The following LZTFL1 variants were observed in gnomAD, a reference collection of about 807,000 sequenced individuals.
LZTFL1 encodes leucine zipper transcription factor like 1, also known as leucine zipper transcription factor-like protein 1.
Under a neutral mutation model 45.9 loss-of-function variants are expected in LZTFL1, and 25 were observed. The observed-to-expected ratio is 0.54, with a 90% CI of 0.40 to 0.76. The LOEUF (loss-of-function observed/expected upper bound fraction) is 0.76, where lower values mean the gene tolerates loss of function less well. Among genes scored for constraint, LZTFL1 ranks in the 30% least tolerant of loss-of-function variants. The pLI is 0.00. For synonymous variants in LZTFL1, 93 were observed against 117.4 expected (o/e 0.79, Z 1.35); for missense variants, 277 against 331.1 (o/e 0.84, Z 1.27).
intron 2 of LZTFL1, among the ~76,000 whole-genome samples, chr3:45,880,206 T>C (rs537353916): frequency 1.3e-5 from 2 of 152,250 alleles, no homozygotes; most frequent in African/African-American, 4.8e-5. Context: ...CAGTGATCTG[T>C]TAAAAATGGA....
chr3:45,897,191 A>G (rs1380019494), intron 2 of LZTFL1, among the ~76,000 whole-genome samples: 1 of 152,196 alleles, frequency 6.6e-6, no homozygotes, highest in African/African-American at 2.4e-5. Flanking sequence ...TTTGATGTCT[A>G]AGATCCATCA....
chr3:45,901,649 C>T lies in LZTFL1; in HGVS notation c.-215+11471G>A, dbSNP rs201668821. 7 of 1,614,114 alleles carry T rather than the reference C, an allele frequency of 4.3e-6. No homozygotes were observed. The South Asian group carries it at 7.7e-5, about 18-fold the overall frequency. On this transcript the variant is annotated intron_variant, in intron 2 of 4. Coordinates refer to the LZTFL1 transcript ENST00000472635. This position sits in a 1 kb window ranked among gnomAD's most constrained non-coding sequence, Gnocchi z 4.3. ...TTGACGCCTATGCCATGTTCATCTCCAACTGTGCCGTTTCCACCAACATTG... is the reference window on the plus strand; with the variant it reads ...TTGACGCCTATGCCATGTTCATCTCTAACTGTGCCGTTTCCACCAACATTG...
chr3:45,898,473 G>A (rs1213092274), intron 2 of LZTFL1, among the ~76,000 whole-genome samples: 2 of 152,218 alleles, frequency 1.3e-5, no homozygotes, highest in East Asian at 3.8e-4. Flanking sequence ...ATAGGGAGAC[G>A]AGTTTTCTTT....
chr3:45,892,264 T>C (rs550199708), intron 2 of LZTFL1, among the ~76,000 whole-genome samples: 7 of 152,360 alleles, frequency 4.6e-5, no homozygotes, highest in African/African-American at 1.4e-4. Flanking sequence ...TGAACATGTA[T>C]GTTCATTCCA....
chr3:45,840,623 A>G (rs1701083252), intron 1 of LZTFL1, among the ~76,000 whole-genome samples: 1 of 152,268 alleles, frequency 6.6e-6, no homozygotes, highest in South Asian at 2.1e-4. Context: ...TTCCGTTAAA[A>G]TAATAATAAA....
In LZTFL1 at chr3:45,824,648, C is replaced by A; in HGVS notation, c.*1666G>T. The A allele has an allele frequency of 2.5e-6, 1 of 395,270 alleles. No homozygotes were observed. Among genetic ancestry groups the A allele is most frequent in the Admixed American group, 4.4e-5 (1 of 22,674 alleles). 24.5% of individuals were successfully genotyped at this position (395,270 alleles called of 1,614,324 possible). A position where few individuals can be genotyped will look rare whatever the true frequency, so the allele number is the denominator to read the frequency against. The stretch of plus-strand genomic sequence containing the variant: ...ACATACCTTTTTTCCTCACTGGTTT[C>A]AAACTGACAAAGGTGTAGGGAGAAA... On this transcript the variant is annotated 3_prime_UTR_variant, in exon 10 of 10. Transcript: ENST00000296135.
rs1700629504 is a variant in LZTFL1, at chr3:45,825,010, A to C, written c.*1304T>G. 1 of 397,608 alleles carries C rather than the reference A, an allele frequency of 2.5e-6. No homozygotes were observed. The highest frequency in any genetic ancestry group is 4.4e-6 in the Non-Finnish European group (1 of 225,426). 24.6% of individuals were successfully genotyped at this position (397,608 alleles called of 1,614,324 possible). The stretch of plus-strand genomic sequence containing the variant: ...TTGCAGGGAAATTATCTTACCCTTT[A>C]ACATTTGTTCCTTCACTATTTTAAC... On this transcript the variant is annotated 3_prime_UTR_variant, in exon 10 of 10. Transcript: ENST00000296135.
At chr3:45,829,608 GAAAAAAA>G (rs1206418827) in intron 7 of LZTFL1, among the ~76,000 whole-genome samples, 3 of 58,932 alleles carry the variant, frequency 5.1e-5, no homozygotes, top group Admixed American at 2.4e-4. Context: ...TGTCTCAAAA[GAAAAAAA>G]AAAAAAAAAA....
intron 7 of LZTFL1, among the ~76,000 whole-genome samples, chr3:45,829,608 GAAAAAAAAAAAAA>G (rs1206418827): frequency 1.4e-4 from 8 of 58,930 alleles, no homozygotes; most frequent in Non-Finnish European, 1.6e-4. Flanking sequence ...TGTCTCAAAA[GAAAAAAAAAAAAA>G]AAAAAAAAAA....
chr3:45,858,710 T>G (rs186419945), intron 3 of LZTFL1, among the ~76,000 whole-genome samples: 1 of 152,300 alleles, frequency 6.6e-6, no homozygotes, highest in African/African-American at 2.4e-5. Flanking sequence ...GATAGAGAAT[T>G]TTGTTAAATC....
intron 2 of LZTFL1, among the ~76,000 whole-genome samples, chr3:45,891,471 T>A (rs1005004059): frequency 6.6e-6 from 1 of 152,212 alleles, no homozygotes; most frequent in Non-Finnish European, 1.5e-5. Context: ...ATTTTTTGCA[T>A]TTTTTGCTTA....
At chr3:45,851,997 A>G (rs1158663042) in intron 4 of LZTFL1, among the ~76,000 whole-genome samples, 3 of 152,140 alleles carry the variant, frequency 2.0e-5, no homozygotes, top group South Asian at 2.1e-4. Context: ...CCAAGTGGCT[A>G]TCTCCTAAAG....
chr3:45,904,420 A>G lies in LZTFL1; in HGVS notation c.-215+8700T>C, dbSNP rs143832561. On this transcript the variant is annotated intron_variant, in intron 2 of 4. Transcript: ENST00000472635. ...CTGACTAGACCAGGACTGGACGCCA[A>G]TGCTTTTCCCAGCTTTGGTGTCCAA... Among the ~76,000 whole-genome samples, 471 of 152,326 alleles carry G rather than the reference A, an allele frequency of 3.1e-3. 1 individual carries two copies. The highest frequency in any genetic ancestry group is 0.011 in the African/African-American group (439 of 41,568).
chr3:45,890,339 T>TATATATATTTATATAAATATATATATAAC (rs1702132953), intron 2 of LZTFL1, among the ~76,000 whole-genome samples: 1 of 77,536 alleles, frequency 1.3e-5, no homozygotes, highest in Non-Finnish European at 2.0e-5. Flanking sequence ...ATATATAACA[T>TATATATATTTATATAAATATATATATAAC]ATATATATAA....
chr3:45,843,401 T>C (rs1322837071), upstream of LZTFL1, among the ~76,000 whole-genome samples: 4 of 152,294 alleles, frequency 2.6e-5, no homozygotes, highest in Non-Finnish European at 4.4e-5. Flanking sequence ...GTTCACATAG[T>C]GAGAGGGTCA....
intron 1 of LZTFL1, among the ~76,000 whole-genome samples, chr3:45,839,707 G>A (rs1269674412): frequency 6.6e-6 from 1 of 152,142 alleles, no homozygotes; most frequent in African/African-American, 2.4e-5. Flanking sequence ...GATTTCCATG[G>A]CATAAATACT....
chr3:45,838,904 C>T (rs1701033719), intron 1 of LZTFL1, among the ~76,000 whole-genome samples: 1 of 152,186 alleles, frequency 6.6e-6, no homozygotes, highest in African/African-American at 2.4e-5. Flanking sequence ...CAACAGGTTA[C>T]AGTCATATAT....
chr3:45,831,070 T>TA lies in LZTFL1; in HGVS notation c.522+2dup, dbSNP rs1200136326. On this transcript the variant is annotated splice_region_variant and intron_variant, in intron 6 of 9. Coordinates refer to ENST00000296135, the MANE Select transcript of LZTFL1 (RefSeq NM_020347.4). Reference sequence around the variant, plus strand: ...TAATTGTGTCAAAACATTTCTCAGTTACCTGTATTTCAATGGTCTTCAACC... The same window carrying TA: ...TAATTGTGTCAAAACATTTCTCAGTTAACCTGTATTTCAATGGTCTTCAACC... 6.2e-7 allele frequency: 1 copy of TA among 1,609,032 alleles called. No homozygotes were observed. The highest frequency in any genetic ancestry group is 1.7e-5 in the Admixed American group (1 of 59,452).
At chr3:45,890,329 A>ATATT (rs1702129438) in intron 2 of LZTFL1, among the ~76,000 whole-genome samples, 1 of 73,156 alleles carries the variant, frequency 1.4e-5, no homozygotes, top group Non-Finnish European at 2.2e-5. Flanking sequence ...ATATAAATAT[A>ATATT]TATATAACAT....
Sources: allele counts gnomAD v4.1 joint callset (sites outside exome capture counted in the v4.1 genomes callset), GRCh38; gene constraint gnomAD v4.1.1; non-coding constraint Gnocchi (gnomAD v3.1); transcripts MANE v1.5; gene names NCBI Gene and HGNC (gene_info 2026-07-23, HGNC 2026-07-21).